Variants in PCDHA13 observed in about 807,000 individuals in gnomAD.
The protein encoded by PCDHA13 is protocadherin alpha-13.
A neutral mutation model predicts 64.8 loss-of-function variants in PCDHA13; 54 were observed. That is an observed-to-expected ratio of 0.83 (90% CI 0.67 to 1.04). PCDHA13 has a LOEUF of 1.04. Among genes scored for constraint, PCDHA13 ranks in the 50% least tolerant of loss-of-function variants. The pLI is 0.00. For missense variants in PCDHA13, 1,248 were observed against 1,254.3 expected (o/e 0.99, Z 0.08); for synonymous variants, 587 against 564.4 (o/e 1.04, Z -0.57).
rs939760233 is a variant in PCDHA13 at position 140,883,508 on chromosome 5, G to A, written c.1240G>A (p.Asp414Asn). ...YYSLVLDSAL[D>N]RESVSAYELV... ...CTCATTAGTGCTGGACAGCGCCCTGGACCGCGAGAGCGTATCAGCCTATGA... is the reference window on the plus strand; with the variant it reads ...CTCATTAGTGCTGGACAGCGCCCTGAACCGCGAGAGCGTATCAGCCTATGA... The change falls in exon 1 of 4, where the codon GAC becomes AAC. Residue 414 changes from aspartate to asparagine, a missense_variant. Coordinates refer to ENST00000289272, the MANE Select transcript of PCDHA13 (RefSeq NM_018904.3). 6.2e-7 allele frequency: 1 copy of A among 1,614,202 alleles called. No homozygotes were observed. Among genetic ancestry groups the A allele is most frequent in the East Asian group, 2.2e-5 (1 of 44,880 alleles).
In PCDHA13 at chr5:140,982,474, G is replaced by C. The variant is rs2096985354; in HGVS notation, c.2454-1G>C. On this transcript the variant is annotated splice_acceptor_variant, in intron 2 of 3. Coordinates refer to ENST00000289272, the MANE Select transcript of PCDHA13 (RefSeq NM_018904.3). LOFTEE classifies it high-confidence loss of function. ...TTATCTGGGTCTGTGTGTTTATTCA[G>C]CTCTGTGCACCTAGAGGAGGCTGGC... 3 of 1,614,164 alleles carry C rather than the reference G, an allele frequency of 1.9e-6. No individual in the cohort carries two copies. The highest frequency in any genetic ancestry group is 2.5e-6 in the Non-Finnish European group (3 of 1,180,024).
Position 140,884,532 on chromosome 5 carries a change from G to A in PCDHA13, c.2264G>A (p.Arg755Gln). The change falls in exon 1 of 4, where the codon CGG becomes CAG. Residue 755 changes from arginine to glutamine, a missense_variant. By Grantham distance (43) the Arg-to-Gln change is conservative. Coordinates refer to ENST00000289272, the MANE Select transcript of PCDHA13 (RefSeq NM_018904.3). ...AGSWSYSQQR[R>Q]PRVCSGEGPH... ...AGTTGGTCGTACTCGCAGCAGAGGC[G>A]GCCGAGGGTGTGCTCTGGGGAGGGC... 1.2e-6 allele frequency: 2 copies of A among 1,614,042 alleles called. No homozygotes were observed. The highest frequency in any genetic ancestry group is 2.2e-5 in the South Asian group (2 of 91,080).
At position 140,884,483 on chromosome 5, in the gene PCDHA13, C is replaced by T. The variant is rs376374275; in HGVS notation, c.2215C>T (p.Leu739=). Residue 739 remains leucine, a synonymous_variant, in exon 1 of 4, where the codon CTA becomes TTA. Transcript: ENST00000289272. The stretch of plus-strand genomic sequence containing the variant: ...CGCGTGCGCGCCGGGCAAGCCCACT[C>T]TAGTGTGCTCCAGCGCGGCAGGGAG... ...EGACAPGKPT[L]VCSSAAGSWS... is the part of the protein sequence containing the mutation. 1.9e-6 allele frequency: 3 copies of T among 1,613,862 alleles called. No homozygotes were observed. Among genetic ancestry groups the T allele is most frequent in the East Asian group, 4.5e-5 (2 of 44,878 alleles).
chr5:140,884,160 T>G lies in PCDHA13; in HGVS notation c.1892T>G (p.Ile631Ser). 2 of 1,613,366 alleles carry G rather than the reference T, an allele frequency of 1.2e-6. No homozygotes were observed. The highest frequency in any genetic ancestry group is 1.7e-6 in the Non-Finnish European group (2 of 1,179,734). ...PFRVGLYTGE[I>S]STTRPLDEVD... is the part of the protein sequence containing the mutation. Reference sequence around the variant, plus strand: ...CGCGTGGGGCTGTACACTGGCGAGATCAGCACGACGCGCCCTCTGGACGAG... The same window carrying G: ...CGCGTGGGGCTGTACACTGGCGAGAGCAGCACGACGCGCCCTCTGGACGAG... Residue 631 changes from isoleucine to serine, a missense_variant, in exon 1 of 4, where the codon ATC becomes AGC. Coordinates refer to ENST00000289272, the MANE Select transcript of PCDHA13 (RefSeq NM_018904.3).
chr5:140,947,315 C>T (rs116397497), intron 1 of PCDHA13, among the ~76,000 whole-genome samples: 3,556 of 151,556 alleles, frequency 0.023, 49 homozygotes, highest in Middle Eastern at 0.034. Flanking sequence ...TGTAAAAAGT[C>T]GGTTGACCAT....
At position 140,982,360 on chromosome 5, in the gene PCDHA13, A is replaced by G. The variant is rs1016027722; in HGVS notation, c.2454-115A>G. 59 of 1,527,040 alleles carry G rather than the reference A, an allele frequency of 3.9e-5. No individual in the cohort carries two copies. In the Admixed American group the frequency reaches 8.5e-4, roughly 22 times the overall value. 94.6% of individuals were successfully genotyped at this position (1,527,040 alleles called of 1,614,324 possible). ...TAATTGCTTCAGTTCAAGCATGAGC[A>G]GAATGTGTTAGCTGCAGCCCTGGCT... On this transcript the variant is annotated intron_variant, in intron 2 of 3. Coordinates refer to ENST00000289272, the MANE Select transcript of PCDHA13 (RefSeq NM_018904.3).
At chr5:140,935,633 C>T (rs1316098876) in intron 1 of PCDHA13, among the ~76,000 whole-genome samples, 4 of 152,046 alleles carry the variant, frequency 2.6e-5, no homozygotes, top group African/African-American at 7.2e-5. Context: ...AAATTTAGGG[C>T]TTGCTTTTTA....
At position 140,882,400 on chromosome 5, in the gene PCDHA13, C is replaced by T. The variant is rs782194379; in HGVS notation, c.132C>T (p.Phe44=). The T allele has an allele frequency of 6.2e-6, 10 of 1,614,172 alleles. No homozygotes were observed. The highest frequency in any genetic ancestry group is 3.3e-5 in the Admixed American group (2 of 60,034). The stretch of plus-strand genomic sequence containing the variant: ...CCGAGGAAGCAAAACACGGCACCTT[C>T]GTGGGCCGCATCGCTCAGGACCTGG... The part of the protein sequence containing the change: ...SVPEEAKHGT[F]VGRIAQDLGL... The change falls in exon 1 of 4, where the codon TTC becomes TTT. Residue 44 remains phenylalanine, a synonymous_variant. Coordinates refer to ENST00000289272, the MANE Select transcript of PCDHA13 (RefSeq NM_018904.3).
At chr5:140,967,059 C>T in intron 1 of PCDHA13, 1 of 1,612,750 alleles carries the variant, frequency 6.2e-7, no homozygotes, top group Non-Finnish European at 8.5e-7. Flanking sequence ...ACGAGTGGAG[C>T]GCTCTTCGTC....
intron 1 of PCDHA13, among the ~76,000 whole-genome samples, chr5:140,950,594 G>C (rs1469063256): frequency 6.6e-6 from 1 of 152,040 alleles, no homozygotes; most frequent in African/African-American, 2.4e-5. Flanking sequence ...TGGTTTAGAA[G>C]TTTGACTATG....
intron 2 of PCDHA13, among the ~76,000 whole-genome samples, chr5:140,982,032 C>G (rs1554243678): frequency 1.3e-5 from 2 of 152,162 alleles, no homozygotes; most frequent in Non-Finnish European, 2.9e-5. Flanking sequence ...GAACAATACT[C>G]CAATTATCAG....
At chr5:140,967,626 G>T in intron 1 of PCDHA13, 2 of 1,614,138 alleles carry the variant, frequency 1.2e-6, no homozygotes, top group Non-Finnish European at 1.7e-6. Flanking sequence ...CCGGATGAGG[G>T]CTCCAATGGT....
In PCDHA13 at chr5:141,010,461, G is replaced by A; in HGVS notation, c.*524G>A. The A allele has an allele frequency of 1.2e-6, 1 of 823,014 alleles. No homozygotes were observed. The highest frequency in any genetic ancestry group is 1.8e-6 in the Non-Finnish European group (1 of 553,022). The allele number at this position is 823,014 out of a possible 1,614,324, so 51.0% of individuals were successfully genotyped here. A position where few individuals can be genotyped will look rare whatever the true frequency, so the allele number is the denominator to read the frequency against. On this transcript the variant is annotated 3_prime_UTR_variant, in exon 4 of 4. Transcript: ENST00000289272. ...GACAAATAAACAGCGGAAGTTATCA[G>A]TATGGAGGGGAAGTGTAAACTTAAA...
At chr5:140,943,278 G>A (rs246067) in intron 1 of PCDHA13, among the ~76,000 whole-genome samples, 37,737 of 121,894 alleles carry the variant, frequency 0.31, 6,744 homozygotes, top group East Asian at 0.43. Flanking sequence ...AAAAAAAAAA[G>A]AAAGAAAGAA....
At chr5:140,974,637 G>A (rs1054796505) in intron 1 of PCDHA13, among the ~76,000 whole-genome samples, 7 of 151,898 alleles carry the variant, frequency 4.6e-5, no homozygotes, top group South Asian at 2.1e-4. Context: ...TCAACCTCCC[G>A]AGTAGCTGAG....
At chr5:140,958,278 T>A (rs1445019557) in intron 1 of PCDHA13, among the ~76,000 whole-genome samples, 1 of 152,090 alleles carries the variant, frequency 6.6e-6, no homozygotes, top group Non-Finnish European at 1.5e-5. Flanking sequence ...GAAGTATATA[T>A]TTTAAATATT....
At chr5:140,982,253 A>G (rs1209317234) in intron 2 of PCDHA13, 16 of 777,640 alleles carry the variant, frequency 2.1e-5, no homozygotes, top group Admixed American at 3.3e-5. Context: ...AAGATAGAAC[A>G]TGTGTGTTCC....
At chr5:140,994,631 G>A (rs978359081) in intron 3 of PCDHA13, among the ~76,000 whole-genome samples, 1 of 152,106 alleles carries the variant, frequency 6.6e-6, no homozygotes, top group Non-Finnish European at 1.5e-5. Flanking sequence ...CTTGAACCTG[G>A]AAGGTGGAGG....
intron 1 of PCDHA13, among the ~76,000 whole-genome samples, chr5:140,896,219 T>A (rs1212681477): frequency 1.3e-5 from 2 of 152,252 alleles, no homozygotes; most frequent in African/African-American, 2.4e-5. Flanking sequence ...TACATGTGTC[T>A]TTATAGTAGA....
Sources: gnomAD v4.1 joint callset for allele counts (sites outside exome capture counted in the v4.1 genomes callset) on GRCh38, gnomAD v4.1.1 for gene constraint, MANE v1.5 for transcripts, NCBI Gene and HGNC (gene_info 2026-07-23, HGNC 2026-07-21) for gene names.